Variants in TBC1D2B observed in about 807,000 individuals in gnomAD.
TBC1D2B encodes the protein TBC1 domain family member 2B.
In TBC1D2B, 64 loss-of-function variants were observed where a neutral mutation model predicts 100.8. The observed-to-expected ratio is 0.64, with a 90% CI of 0.52 to 0.78. The LOEUF (loss-of-function observed/expected upper bound fraction) is 0.78, where lower values mean the gene tolerates loss of function less well. TBC1D2B is among the 30% of genes least tolerant of loss of function. The pLI is 0.00. For synonymous variants in TBC1D2B, 480 were observed against 479.7 expected, an observed-to-expected ratio of 1.00 and a Z score of -0.01; for missense variants, 1,052 against 1,218.4, an observed-to-expected ratio of 0.86 and a Z score of 2.03.
chr15:78,019,901 A>G (rs371577731), intron 6 of TBC1D2B, among the ~76,000 whole-genome samples: 257 of 137,114 alleles, frequency 1.9e-3, no homozygotes, highest in Non-Finnish European at 2.9e-3. Flanking sequence ...AAAAAAAAAA[A>G]GGGGGGGGGA....
chr15:78,076,224 T>C (rs2073826685), intron 1 of TBC1D2B, among the ~76,000 whole-genome samples: 1 of 152,172 alleles, frequency 6.6e-6, no homozygotes, highest in South Asian at 2.1e-4. Flanking sequence ...CTCCTGCTTC[T>C]ACACTGTATC....
At chr15:78,057,911 C>T (rs1259527011) in intron 1 of TBC1D2B, among the ~76,000 whole-genome samples, 1 of 152,180 alleles carries the variant, frequency 6.6e-6, no homozygotes, top group Non-Finnish European at 1.5e-5. Flanking sequence ...TATCTTTTAG[C>T]AAAGGACTAA....
chr15:78,003,622 G>T (rs527544796), intron 10 of TBC1D2B, 132 bp from the exon 11 acceptor site: 1 of 646,534 alleles, frequency 1.5e-6, no homozygotes, highest in East Asian at 2.7e-5. Context: ...CAAATGCACC[G>T]TGGGGCCCAT....
At chr15:78,007,729 G>A (rs946966143) in intron 10 of TBC1D2B, among the ~76,000 whole-genome samples, 3 of 152,232 alleles carry the variant, frequency 2.0e-5, no homozygotes, top group African/African-American at 7.2e-5. Flanking sequence ...GCAGCCCAGA[G>A]TTATAGCAAG....
chr15:78,070,972 G>A (rs1385138204), intron 1 of TBC1D2B, among the ~76,000 whole-genome samples: 9 of 152,208 alleles, frequency 5.9e-5, no homozygotes, highest in African/African-American at 1.2e-4. Context: ...ACAGGCATCC[G>A]CCACCACACC....
Position 78,025,404 on chromosome 15 carries a change from C to T in TBC1D2B, c.941G>A (p.Arg314His), listed in dbSNP as rs139961303. The T allele has an allele frequency of 1.4e-5, 22 of 1,613,920 alleles. No individual in the cohort carries two copies. The highest frequency in any genetic ancestry group is 1.1e-4 in the South Asian group (10 of 91,084). ...LKDIIGSYKN[R>H]HSSGDPSSEG... ...ACTTGAAGGGTCACCACTGCTGTGA[C>T]GATTTTTGTACGACCCAATTATGTC... The change falls in exon 5 of 13, where the codon CGT becomes CAT. Residue 314 changes from arginine (R) to histidine (H), a missense_variant. Coordinates refer to ENST00000300584, the MANE Select transcript of TBC1D2B (RefSeq NM_144572.2).
At chr15:78,024,843 T>C (rs1410069211) in intron 5 of TBC1D2B, among the ~76,000 whole-genome samples, 2 of 152,156 alleles carry the variant, frequency 1.3e-5, no homozygotes, top group Non-Finnish European at 2.9e-5. Flanking sequence ...GCTCTAAGAG[T>C]CACTGAACTG....
chr15:78,005,637 G>A (rs2072045567), intron 10 of TBC1D2B, among the ~76,000 whole-genome samples: 1 of 152,210 alleles, frequency 6.6e-6, no homozygotes, highest in East Asian at 1.9e-4. Context: ...ATGTGAACAA[G>A]CCAGGATACA....
Position 78,024,538 on chromosome 15 carries a change from T to A in TBC1D2B, c.1088A>T (p.Glu363Val). 6.2e-7 allele frequency: 1 copy of A among 1,605,578 alleles called. No homozygotes were observed. Among genetic ancestry groups the A allele is most frequent in the Non-Finnish European group, 8.5e-7 (1 of 1,174,688 alleles). Residue 363 changes from glutamate to valine, a missense_variant and splice_region_variant, in exon 6 of 13, where the codon GAG becomes GTG. By Grantham distance (121) the Glu-to-Val change is moderately radical. Transcript: ENST00000300584. ...TGTCTGCTGGAGCAGTCGAACAAGC[T>A]CCTGGGAGCCAAAAGGAGAATGGAG... ...QLKKDLSSQK[E>V]LVRLLQQTVR...
In TBC1D2B at chr15:78,027,430, AAGGAAGGGT is replaced by A. The variant is rs535111281; in HGVS notation, c.848-1942_848-1934del. On this transcript the variant is annotated intron_variant, in intron 4 of 12. Transcript: ENST00000300584. The stretch of plus-strand genomic sequence containing the variant: ...TTTACTTAAAGATACGGGAAAATAC[AAGGAAGGGT>A]AGTTCACTTTCTGTGAATAACATGG... 1.5e-4 allele frequency among the ~76,000 whole-genome samples: 23 copies of A among 152,356 alleles called. 1 individual carries two copies. In the South Asian group the frequency reaches 4.8e-3, roughly 32 times the overall value.
At position 77,996,035 on chromosome 15, in the gene TBC1D2B, G is replaced by A. The variant is rs1463604717; in HGVS notation, c.*2125C>T. The A allele has an allele frequency of 3.3e-5, 5 of 151,308 alleles. No homozygotes were observed. The highest frequency in any genetic ancestry group is 1.3e-4 in the Admixed American group (2 of 15,122). The allele number at this position is 151,308 out of a possible 1,614,324, so 9.4% of individuals were successfully genotyped here. A position where few individuals can be genotyped will look rare whatever the true frequency, so the allele number is the denominator to read the frequency against. The stretch of plus-strand genomic sequence containing the variant: ...TCCCAAACTTTAACCAGGCGGAGCC[G>A]CCCTCTCTTGCCTTCTGGACACGCA... On this transcript the variant is annotated 3_prime_UTR_variant, in exon 13 of 13. Coordinates refer to ENST00000300584, the MANE Select transcript of TBC1D2B (RefSeq NM_144572.2).
rs79064972 is a variant in TBC1D2B, at chr15:78,018,328, T to C, written c.1471-371A>G. On this transcript the variant is annotated intron_variant, in intron 6 of 12. Coordinates refer to ENST00000300584, the MANE Select transcript of TBC1D2B (RefSeq NM_144572.2). ...TAAAAAAAAGCAATACCTTACTTTT[T>C]TTTAAACTAGAGAAACTGAACATAT... 3.9e-3 allele frequency among the ~76,000 whole-genome samples: 592 copies of C among 152,362 alleles called. 1 individual carries two copies. The highest frequency in any genetic ancestry group is 0.014 in the African/African-American group (572 of 41,576).
chr15:78,001,914 C>A, intron 11 of TBC1D2B, 174 bp from the exon 12 acceptor site: 1 of 614,938 alleles, frequency 1.6e-6, no homozygotes, highest in Non-Finnish European at 2.6e-6. Flanking sequence ...TAGGCCAAGA[C>A]TCCTTTATTA....
chr15:78,054,940 G>A (rs2073390246), intron 1 of TBC1D2B, among the ~76,000 whole-genome samples: 1 of 152,084 alleles, frequency 6.6e-6, no homozygotes, highest in Non-Finnish European at 1.5e-5. Context: ...ACTTTGTCTG[G>A]AGAAAGGATT....
At chr15:78,051,689 T>TA in intron 2 of TBC1D2B, among the ~76,000 whole-genome samples, 1 of 152,224 alleles carries the variant, frequency 6.6e-6, no homozygotes, top group South Asian at 2.1e-4. Context: ...AAATCAGTTA[T>TA]AAAAACATTC....
At chr15:78,061,004 G>A (rs1235201192) in intron 1 of TBC1D2B, among the ~76,000 whole-genome samples, 2 of 151,576 alleles carry the variant, frequency 1.3e-5, no homozygotes, top group South Asian at 2.1e-4. Context: ...CCAGCACTAC[G>A]GGAGACAGAG....
At chr15:78,018,882 G>C (rs2141676022) in intron 6 of TBC1D2B, among the ~76,000 whole-genome samples, 1 of 152,250 alleles carries the variant, frequency 6.6e-6, no homozygotes, top group East Asian at 1.9e-4. Context: ...TCACCTCTGA[G>C]CAGTGACTTC....
chr15:78,016,861 T>C (rs994487106), intron 7 of TBC1D2B, 122 bp from the exon 8 acceptor site: 1 of 758,602 alleles, frequency 1.3e-6, no homozygotes, highest in African/African-American at 1.8e-5. Flanking sequence ...AGAGACAGAC[T>C]GTAGCAAAGA....
intron 2 of TBC1D2B, among the ~76,000 whole-genome samples, chr15:78,049,186 T>TCCTGAGAG (rs1397866778): frequency 2.6e-5 from 4 of 152,148 alleles, no homozygotes; most frequent in African/African-American, 9.7e-5. Flanking sequence ...AACCACCAGG[T>TCCTGAGAG]CCTGAGAGGC....
Sources: allele counts gnomAD v4.1 joint callset (sites outside exome capture counted in the v4.1 genomes callset), GRCh38; gene constraint gnomAD v4.1.1; transcripts MANE v1.5; gene names NCBI Gene and HGNC (gene_info 2026-07-23, HGNC 2026-07-21).